Variants in ANKRD11 observed in about 807,000 individuals in gnomAD.
ANKRD11 encodes ankyrin repeat domain 11, also known as ankyrin repeat domain-containing protein 11.
A neutral mutation model predicts 195.7 loss-of-function variants in ANKRD11; 17 were observed. That is an observed-to-expected ratio of 0.09 (90% CI 0.06 to 0.13). The LOEUF (loss-of-function observed/expected upper bound fraction) is 0.13, where lower values mean the gene tolerates loss of function less well. ANKRD11 is among the 10% of genes least tolerant of loss of function. The pLI, the probability that ANKRD11 is intolerant of heterozygous loss-of-function variation, is 1.00. For missense variants in ANKRD11, 3,735 were observed against 3,566.1 expected, an observed-to-expected ratio of 1.05 and a Z score of -1.21; for synonymous variants, 1,953 against 1,528.1, an observed-to-expected ratio of 1.28 and a Z score of -6.49.
At chr16:89,341,254 A>C (rs2038643461) in intron 2 of ANKRD11, among the ~76,000 whole-genome samples, 1 of 152,236 alleles carries the variant, frequency 6.6e-6, no homozygotes, top group African/African-American at 2.4e-5. Context: ...CCCGGTTTGG[A>C]AACAATGCTG....
chr16:89,328,164 C>T (rs569267188), intron 2 of ANKRD11, among the ~76,000 whole-genome samples: 8 of 152,198 alleles, frequency 5.3e-5, no homozygotes, highest in Non-Finnish European at 7.3e-5. Context: ...TATTACTGCA[C>T]ACCAATCGGA....
At position 89,289,205 on chromosome 16, in the gene ANKRD11, G is replaced by A. The variant is rs547953149; in HGVS notation, c.602-535C>T. On this transcript the variant is annotated intron_variant, in intron 6 of 12. Transcript: ENST00000301030. ...GAGTCCACCATCGGACGGTGTGGCC[G>A]CACGCATCCGTGGAAACAGAGCTCG... Among the ~76,000 whole-genome samples, 15 of 152,214 alleles carry A rather than the reference G, an allele frequency of 9.9e-5. No individual in the cohort carries two copies. The South Asian group carries it at 2.9e-3, about 29-fold the overall frequency.
chr16:89,332,888 G>GT (rs1207701117), intron 2 of ANKRD11, among the ~76,000 whole-genome samples: 1 of 152,200 alleles, frequency 6.6e-6, no homozygotes, highest in African/African-American at 2.4e-5. Flanking sequence ...GGGCTGCTTT[G>GT]TTTTTTAACG....
chr16:89,280,156 T>A lies in ANKRD11; in HGVS notation c.6386A>T (p.Asp2129Val). 1.9e-6 allele frequency: 3 copies of A among 1,610,956 alleles called. No individual in the cohort carries two copies. Among genetic ancestry groups the A allele is most frequent in the Non-Finnish European group, 2.5e-6 (3 of 1,179,170 alleles). The change falls in exon 9 of 13, where the codon GAC (aspartate) becomes GTC (valine). Residue 2129 changes from aspartate (D) to valine (V), a missense_variant. Transcript: ENST00000301030. ...GGAGAAGGGCCCCAGGTCCAGGTCG[T>A]CCTCGGGGCCGGCGAAGGCGTCCGC... ...PWADAFAGPE[D>V]DLDLGPFSLP...
chr16:89,285,602 C>G lies in ANKRD11; in HGVS notation c.940G>C (p.Val314Leu). Reference sequence around the variant, plus strand: ...TCGGAGTCCGTGTTGTTGCCGTCGACTGAACTGGAAGGTGCGAAGGATGGT... The same window carrying G: ...TCGGAGTCCGTGTTGTTGCCGTCGAGTGAACTGGAAGGTGCGAAGGATGGT... The part of the protein sequence containing the change: ...DAPSFAPSSS[V>L]DGNNTDSEFE... Residue 314 changes from valine to leucine, a missense_variant, in exon 9 of 13, where the codon GTC becomes CTC. Val to Leu is a conservative substitution (Grantham distance 32, BLOSUM62 1). Coordinates refer to ENST00000301030, the MANE Select transcript of ANKRD11 (RefSeq NM_013275.6). The surrounding 1 kb of genome is among the most constrained non-coding windows in gnomAD (Gnocchi z 5.6). The G allele has an allele frequency of 6.2e-7, 1 of 1,614,166 alleles. No individual in the cohort carries two copies. The highest frequency in any genetic ancestry group is 1.3e-5 in the African/African-American group (1 of 75,036).
intron 1 of ANKRD11, among the ~76,000 whole-genome samples, chr16:89,486,221 G>A (rs954867842): frequency 6.6e-6 from 1 of 152,066 alleles, no homozygotes; most frequent in African/African-American, 2.4e-5. Flanking sequence ...GGAGACTGAG[G>A]TAAGCCAACC....
intron 1 of ANKRD11, among the ~76,000 whole-genome samples, chr16:89,466,312 T>G (rs527579480): frequency 1.3e-5 from 2 of 151,788 alleles, no homozygotes; most frequent in African/African-American, 2.4e-5. Context: ...TCCAGAGAGA[T>G]AGAAAAGAGA....
chr16:89,313,466 T>G (rs2036736167), intron 3 of ANKRD11: 8 of 1,289,160 alleles, frequency 6.2e-6, no homozygotes, highest in Non-Finnish European at 8.1e-6. Context: ...TGCTCACTGG[T>G]GCAGCCAAAG....
At chr16:89,401,682 A>C (rs989567626) in intron 2 of ANKRD11, among the ~76,000 whole-genome samples, 1 of 152,098 alleles carries the variant, frequency 6.6e-6, no homozygotes, top group East Asian at 1.9e-4. Flanking sequence ...CCTGGGAAAC[A>C]TGGTCTTTGC....
chr16:89,460,321 A>G (rs2056607492), intron 1 of ANKRD11, among the ~76,000 whole-genome samples: 2 of 152,118 alleles, frequency 1.3e-5, no homozygotes. Flanking sequence ...AAAAATAATA[A>G]GTGTATCCTA....
chr16:89,435,852 C>T (rs1052849043), intron 1 of ANKRD11, among the ~76,000 whole-genome samples: 13 of 150,262 alleles, frequency 8.7e-5, no homozygotes, highest in Admixed American at 6.7e-4. Context: ...GGTCTGTTCG[C>T]TCAAGGAACA....
chr16:89,467,431 GACCTT>G (rs1479171153), intron 1 of ANKRD11, among the ~76,000 whole-genome samples: 1 of 152,244 alleles, frequency 6.6e-6, no homozygotes, highest in Non-Finnish European at 1.5e-5. Flanking sequence ...CACAGAGTAA[GACCTT>G]GTCTCTAAAA....
At chr16:89,268,948 A>G (rs1597390402) in intron 12 of ANKRD11, among the ~76,000 whole-genome samples, 2 of 152,118 alleles carry the variant, frequency 1.3e-5, no homozygotes, top group Admixed American at 1.3e-4. Context: ...TGGGCCTGGG[A>G]CTCACCTCCA....
chr16:89,465,347 T>C (rs1296470665), intron 1 of ANKRD11, among the ~76,000 whole-genome samples: 1 of 152,142 alleles, frequency 6.6e-6, no homozygotes, highest in Non-Finnish European at 1.5e-5. Context: ...CCTACAAGTT[T>C]CCACAAAATC....
chr16:89,335,111 ATAAC>A (rs767801533), intron 2 of ANKRD11, among the ~76,000 whole-genome samples: 5 of 152,200 alleles, frequency 3.3e-5, no homozygotes, highest in South Asian at 2.1e-4. Context: ...ACCTCCCCAA[ATAAC>A]TAATCAGGAC....
intron 2 of ANKRD11, among the ~76,000 whole-genome samples, chr16:89,363,317 G>A (rs1296129531): frequency 6.6e-6 from 1 of 152,034 alleles, no homozygotes; most frequent in Non-Finnish European, 1.5e-5. Flanking sequence ...TGTTATTTAT[G>A]CTTAAATGCC....
At chr16:89,426,528 AT>A (rs1567788302) in intron 1 of ANKRD11, among the ~76,000 whole-genome samples, 1 of 52,786 alleles carries the variant, frequency 1.9e-5, no homozygotes, top group Non-Finnish European at 3.9e-5. Context: ...TCACTTAAAC[AT>A]CACACACACA....
chr16:89,439,552 C>T (rs2043357760), intron 1 of ANKRD11, among the ~76,000 whole-genome samples: 1 of 152,182 alleles, frequency 6.6e-6, no homozygotes. Flanking sequence ...GAAAACCCAT[C>T]TAAAATGCAA....
At chr16:89,391,406 G>C (rs1037623558) in intron 2 of ANKRD11, among the ~76,000 whole-genome samples, 1 of 152,112 alleles carries the variant, frequency 6.6e-6, no homozygotes, top group Non-Finnish European at 1.5e-5. Flanking sequence ...TCTCCAGGTA[G>C]ACAGTGTCCA....
Sources: gnomAD v4.1 joint callset for allele counts (sites outside exome capture counted in the v4.1 genomes callset) on GRCh38, gnomAD v4.1.1 for gene constraint, Gnocchi (gnomAD v3.1) non-coding constraint, MANE v1.5 for transcripts, NCBI Gene and HGNC (gene_info 2026-07-23, HGNC 2026-07-21) for gene names.